Variants in ZCCHC7 observed in about 807,000 individuals in gnomAD.
ZCCHC7 encodes the protein zinc finger CCHC-type containing 7.
ZCCHC7 carries 35 observed loss-of-function variants against 52.0 expected under a neutral mutation model. The ratio of observed to expected loss-of-function variants is 0.67; its 90% CI spans 0.51 to 0.89. ZCCHC7 has a LOEUF of 0.89. Among genes scored for constraint, ZCCHC7 ranks in the 40% least tolerant of loss-of-function variants. The probability of loss-of-function intolerance (pLI) is 0.00; values close to 1 mark genes in which losing one functional copy is unlikely to be tolerated. For missense variants in ZCCHC7, 574 were observed against 649.1 expected, an observed-to-expected ratio of 0.88 and a Z score of 1.26; for synonymous variants, 217 against 221.5, an observed-to-expected ratio of 0.98 and a Z score of 0.18.
At chr9:37,289,912 A>C (rs1197272503) in intron 2 of ZCCHC7, among the ~76,000 whole-genome samples, 2 of 152,204 alleles carry the variant, frequency 1.3e-5, no homozygotes, top group Non-Finnish European at 2.9e-5. Context: ...CTCTTACCGC[A>C]GAAGTACATG....
At chr9:37,330,697 T>C (rs1830418735) in intron 6 of ZCCHC7, among the ~76,000 whole-genome samples, 1 of 151,716 alleles carries the variant, frequency 6.6e-6, no homozygotes, top group African/African-American at 2.4e-5. Flanking sequence ...TGCTACATTT[T>C]CAGATTTTTG....
At chr9:37,270,046 A>T (rs1448751990) in intron 2 of ZCCHC7, among the ~76,000 whole-genome samples, 1 of 152,154 alleles carries the variant, frequency 6.6e-6, no homozygotes, top group African/African-American at 2.4e-5. Context: ...CTGAATTGAG[A>T]TGTGTTATAG....
At chr9:37,263,383 A>G (rs1380816974) in intron 2 of ZCCHC7, among the ~76,000 whole-genome samples, 1 of 152,000 alleles carries the variant, frequency 6.6e-6, no homozygotes, top group Non-Finnish European at 1.5e-5. Flanking sequence ...AGGAATGAAA[A>G]AAAAACCTGT....
At chr9:37,335,278 A>C (rs935038436) in intron 6 of ZCCHC7, among the ~76,000 whole-genome samples, 4 of 152,224 alleles carry the variant, frequency 2.6e-5, no homozygotes, top group Non-Finnish European at 4.4e-5. Context: ...TGTGCTATAC[A>C]GTTGGGCCAG....
intron 2 of ZCCHC7, among the ~76,000 whole-genome samples, chr9:37,270,780 A>G (rs1301216369): frequency 6.8e-6 from 1 of 146,074 alleles, no homozygotes; most frequent in Non-Finnish European, 1.5e-5. Context: ...TAAAGAGGCC[A>G]TCATTGAAAG....
intron 6 of ZCCHC7, among the ~76,000 whole-genome samples, chr9:37,347,772 A>T (rs977138471): frequency 6.6e-6 from 1 of 152,154 alleles, no homozygotes; most frequent in Non-Finnish European, 1.5e-5. Context: ...TTTCTAGAAT[A>T]TCTCAGAATT....
intron 7 of ZCCHC7, among the ~76,000 whole-genome samples, chr9:37,350,324 G>A (rs1018739167): frequency 1.3e-5 from 2 of 151,710 alleles, no homozygotes; most frequent in Admixed American, 6.6e-5. Context: ...TAGAAATGAG[G>A]TTCCACCATG....
intron 1 of ZCCHC7, among the ~76,000 whole-genome samples, chr9:37,122,848 A>C (rs1842373748): frequency 6.6e-6 from 1 of 152,308 alleles, no homozygotes; most frequent in Admixed American, 6.5e-5. Flanking sequence ...GAGGCAGGAG[A>C]ATTTCTTGAA....
chr9:37,144,737 AC>A (rs1843362999), intron 2 of ZCCHC7, among the ~76,000 whole-genome samples: 1 of 151,858 alleles, frequency 6.6e-6, no homozygotes, highest in Non-Finnish European at 1.5e-5. Context: ...TCTTTCTTGT[AC>A]TTTTGTTGTA....
intron 2 of ZCCHC7, chr9:37,186,803 G>T: frequency 2.3e-6 from 1 of 436,490 alleles, no homozygotes; most frequent in African/African-American, 2.0e-5. Context: ...CATGGGGGAT[G>T]ATTTTGGCAC....
intron 2 of ZCCHC7, among the ~76,000 whole-genome samples, chr9:37,227,028 CA>C (rs895936555): frequency 1.8e-3 from 168 of 92,642 alleles, no homozygotes; most frequent in African/African-American, 4.2e-3. Context: ...GACTCCGTCT[CA>C]AAAAAAAAAA....
chr9:37,326,562 T>A (rs1276500741), intron 5 of ZCCHC7, among the ~76,000 whole-genome samples: 1 of 151,546 alleles, frequency 6.6e-6, no homozygotes, highest in Non-Finnish European at 1.5e-5. Context: ...AAGGATAAAA[T>A]TTTTCAGCAT....
chr9:37,169,901 A>G (rs969570441), intron 2 of ZCCHC7, among the ~76,000 whole-genome samples: 1 of 151,990 alleles, frequency 6.6e-6, no homozygotes, highest in Non-Finnish European at 1.5e-5. Flanking sequence ...CCATGTCTCT[A>G]CAAAAAATAC....
chr9:37,131,092 G>A (rs1459271066), intron 2 of ZCCHC7, among the ~76,000 whole-genome samples: 1 of 151,946 alleles, frequency 6.6e-6, no homozygotes, highest in African/African-American at 2.4e-5. Context: ...TGTAATCCCA[G>A]CACTTTGGGA....
At chr9:37,320,321 G>A (rs1194757754) in intron 5 of ZCCHC7, among the ~76,000 whole-genome samples, 6 of 152,232 alleles carry the variant, frequency 3.9e-5, no homozygotes, top group Non-Finnish European at 7.4e-5. Flanking sequence ...CAGGTGATCC[G>A]CCAACCTTGG....
chr9:37,120,600 T>C lies in ZCCHC7; in HGVS notation c.-45T>C. 2.5e-6 allele frequency: 1 copy of C among 398,830 alleles called. No individual in the cohort carries two copies. Among genetic ancestry groups the C allele is most frequent in the Admixed American group, 4.4e-5 (1 of 22,718 alleles). The allele number at this position is 398,830 out of a possible 1,614,324, so 24.7% of individuals were successfully genotyped here. A position where few individuals can be genotyped will look rare whatever the true frequency, so the allele number is the denominator to read the frequency against. ...TCTACGCGTTTTGGTTCCCGGTTGG[T>C]GCTTCCTGTTCGCAGCTGCGGCAGT... is the stretch of plus-strand genomic sequence containing the variant. On this transcript the variant is annotated 5_prime_UTR_variant, in exon 1 of 9. Coordinates refer to ENST00000336755, the MANE Select transcript of ZCCHC7 (RefSeq NM_032226.3).
At chr9:37,160,066 C>A (rs948258200) in intron 2 of ZCCHC7, 1 of 152,196 alleles carries the variant, frequency 6.6e-6, no homozygotes, top group Non-Finnish European at 1.5e-5. Context: ...ACTCTTAAGG[C>A]TGCCAGACAC....
chr9:37,338,226 C>G (rs1830764773), intron 6 of ZCCHC7, among the ~76,000 whole-genome samples: 1 of 152,134 alleles, frequency 6.6e-6, no homozygotes, highest in South Asian at 2.1e-4. Flanking sequence ...AATTAATAAG[C>G]TTAATAGCTC....
chr9:37,337,389 CCCTA>C (rs1229479478), intron 6 of ZCCHC7, among the ~76,000 whole-genome samples: 1 of 26,056 alleles, frequency 3.8e-5, no homozygotes, highest in African/African-American at 1.3e-4. Flanking sequence ...TCCCACCCCA[CCCTA>C]CCCACCCACC....
Sources: gnomAD v4.1 joint callset for allele counts (sites outside exome capture counted in the v4.1 genomes callset) on GRCh38, gnomAD v4.1.1 for gene constraint, MANE v1.5 for transcripts, NCBI Gene and HGNC (gene_info 2026-07-23, HGNC 2026-07-21) for gene names.